The following FMO4 variants were observed in gnomAD, a reference collection of about 807,000 sequenced individuals.
The protein encoded by FMO4 is dimethylaniline monooxygenase [N-oxide-forming] 4.
FMO4 carries 38 observed loss-of-function variants against 43.3 expected under a neutral mutation model. The ratio of observed to expected loss-of-function variants is 0.88; its 90% CI spans 0.68 to 1.15. The LOEUF (loss-of-function observed/expected upper bound fraction) is 1.15, where lower values mean the gene tolerates loss of function less well. Ranked by LOEUF, FMO4 falls within the 50% of genes most tolerant of loss-of-function variation. FMO4 has a pLI of 0.00. For missense variants in FMO4, 631 were observed against 663.3 expected (o/e 0.95, Z 0.54); for synonymous variants, 224 against 232.2 (o/e 0.96, Z 0.32).
intron 8 of FMO4, among the ~76,000 whole-genome samples, chr1:171,337,107 G>T (rs1404729736): frequency 6.6e-6 from 1 of 152,092 alleles, no homozygotes; most frequent in South Asian, 2.1e-4. Context: ...TGAGTGTGGC[G>T]CAGGCTGACA....
At chr1:171,314,565 GGA>G (rs1471228604) in intron 1 of FMO4, among the ~76,000 whole-genome samples, 152 bp downstream of exon 1, 1 of 152,000 alleles carries the variant, frequency 6.6e-6, no homozygotes, top group African/African-American at 2.4e-5. Context: ...AGAGAATTAA[GGA>G]GAGAGTCAGG....
At chr1:171,340,770 C>T (rs750682606) in intron 9 of FMO4, among the ~76,000 whole-genome samples, 20 of 152,070 alleles carry the variant, frequency 1.3e-4, no homozygotes, top group Non-Finnish European at 8.8e-5. Context: ...TCTGAGCATT[C>T]GCTGTACACT....
intron 5 of FMO4, among the ~76,000 whole-genome samples, chr1:171,327,969 T>C (rs1309029252): frequency 6.6e-6 from 1 of 152,200 alleles, no homozygotes; most frequent in Non-Finnish European, 1.5e-5. Flanking sequence ...GGGACTAGCA[T>C]AGCAAGGGCT....
intron 3 of FMO4, among the ~76,000 whole-genome samples, chr1:171,320,160 G>A (rs773825565): frequency 3.9e-5 from 6 of 152,090 alleles, no homozygotes; most frequent in Non-Finnish European, 8.8e-5. Context: ...CTCGGGTCAG[G>A]GACAGTTGGA....
chr1:171,336,931 C>T (rs181552780), intron 8 of FMO4, among the ~76,000 whole-genome samples: 410 of 151,386 alleles, frequency 2.7e-3, no homozygotes, highest in African/African-American at 9.4e-3. Context: ...GTGTTTACAT[C>T]TAACCAACTA....
chr1:171,340,911 G>T (rs1481768549), intron 9 of FMO4, among the ~76,000 whole-genome samples: 1 of 151,928 alleles, frequency 6.6e-6, no homozygotes, highest in East Asian at 1.9e-4. Context: ...AAATAATTAA[G>T]ATTTTAGGGC....
intron 2 of FMO4, among the ~76,000 whole-genome samples, chr1:171,318,108 G>C (rs1254459762): frequency 6.6e-6 from 1 of 152,100 alleles, no homozygotes; most frequent in African/African-American, 2.4e-5. Flanking sequence ...TTGAGGTCAG[G>C]AGTTTGAGAC....
chr1:171,331,126 A>G (rs751239759), intron 5 of FMO4, among the ~76,000 whole-genome samples: 1 of 152,238 alleles, frequency 6.6e-6, no homozygotes, highest in South Asian at 2.1e-4. Flanking sequence ...ACATTCTGAT[A>G]GAATATATCT....
intron 3 of FMO4, among the ~76,000 whole-genome samples, chr1:171,321,473 T>C (rs1662420498): frequency 6.6e-6 from 1 of 152,212 alleles, no homozygotes; most frequent in South Asian, 2.1e-4. Flanking sequence ...AAATGTTCTC[T>C]AGATTACTTA....
At chr1:171,336,622 G>A (rs1663129138) in intron 8 of FMO4, among the ~76,000 whole-genome samples, 1 of 151,838 alleles carries the variant, frequency 6.6e-6, no homozygotes, top group African/African-American at 2.4e-5. Flanking sequence ...GTTTTTTTTA[G>A]AGACCAGTCC....
rs1663164404 is a variant in FMO4 at position 171,337,369 on chromosome 1, ACCT to A, written c.1197_1199del (p.Pro400del). 6.2e-7 allele frequency: 1 copy of A among 1,611,086 alleles called. No individual in the cohort carries two copies. Among genetic ancestry groups the A allele is most frequent in the Non-Finnish European group, 8.5e-7 (1 of 1,177,494 alleles). On this transcript the variant is annotated inframe_deletion, in exon 9 of 10. Coordinates refer to ENST00000367749, the MANE Select transcript of FMO4 (RefSeq NM_002022.3). ...TTTTTCCCACAGGACTCTGTAAGAT[ACCT>A]CCATCCCAAAAATTGATGATGGAGG...
At chr1:171,320,916 C>T (rs1571390889) in intron 3 of FMO4, among the ~76,000 whole-genome samples, 1 of 151,974 alleles carries the variant, frequency 6.6e-6, no homozygotes, top group African/African-American at 2.4e-5. Flanking sequence ...GTTCAACAGG[C>T]GTGAGAGAGA....
chr1:171,337,334 T>G (rs1429061324), intron 8 of FMO4, 22 bp from the exon 9 acceptor site: 1 of 1,554,864 alleles, frequency 6.4e-7, no homozygotes, highest in African/African-American at 1.4e-5. Flanking sequence ...GACTTTAGTG[T>G]TGTTTGTGAT....
At chr1:171,339,720 G>C (rs1166023414) in intron 9 of FMO4, among the ~76,000 whole-genome samples, 1 of 152,208 alleles carries the variant, frequency 6.6e-6, no homozygotes, top group Non-Finnish European at 1.5e-5. Context: ...AGGTAGTAGA[G>C]TCAAAGAAGA....
chr1:171,321,555 A>G (rs934147364), intron 3 of FMO4, among the ~76,000 whole-genome samples: 1 of 152,228 alleles, frequency 6.6e-6, no homozygotes, highest in Non-Finnish European at 1.5e-5. Flanking sequence ...AATCACGAGG[A>G]AAGAAATATG....
In FMO4 at chr1:171,341,901, T is replaced by A. The variant is rs1010580823; in HGVS notation, c.*62T>A. On this transcript the variant is annotated 3_prime_UTR_variant, in exon 10 of 10. Transcript: ENST00000367749. ...ATTCTATCTCCAAGTATCTTGTGCA[T>A]CCCTCCTCTGCTCTCCATCATAACT... The A allele has an allele frequency of 1.5e-6, 2 of 1,346,938 alleles. No individual in the cohort carries two copies. Among genetic ancestry groups the A allele is most frequent in the Admixed American group, 1.9e-5 (1 of 52,808 alleles). The allele number at this position is 1,346,938 out of a possible 1,614,324, so 83.4% of individuals were successfully genotyped here.
chr1:171,324,069 TACC>T, intron 4 of FMO4, 66 bp from the exon 5 acceptor site: 7 of 1,400,844 alleles, frequency 5.0e-6, no homozygotes, highest in Non-Finnish European at 6.7e-6. Context: ...CAGACATGGT[TACC>T]ACACCAGTCA....
intron 6 of FMO4, 137 bp from the exon 7 acceptor site, chr1:171,332,572 T>C (rs1012544670): frequency 7.8e-6 from 5 of 639,588 alleles, no homozygotes; most frequent in Admixed American, 5.7e-5. Flanking sequence ...TAATCGTATG[T>C]AGACCTATGT....
At chr1:171,321,232 A>T (rs1662410102) in intron 3 of FMO4, among the ~76,000 whole-genome samples, 1 of 152,168 alleles carries the variant, frequency 6.6e-6, no homozygotes, top group African/African-American at 2.4e-5. Context: ...CAAATAGGGA[A>T]AAAAAAGAAA....
Sources: gnomAD v4.1 joint callset for allele counts (sites outside exome capture counted in the v4.1 genomes callset) on GRCh38, gnomAD v4.1.1 for gene constraint, MANE v1.5 for transcripts, NCBI Gene and HGNC (gene_info 2026-07-23, HGNC 2026-07-21) for gene names.